The following CDH13 variants were observed in gnomAD, a reference collection of about 807,000 sequenced individuals.
CDH13 encodes cadherin-13.
Under a neutral mutation model 63.8 loss-of-function variants are expected in CDH13, and 24 were observed. The ratio of observed to expected loss-of-function variants is 0.38; its 90% confidence interval spans 0.27 to 0.53. The LOEUF (loss-of-function observed/expected upper bound fraction) is 0.53, where lower values mean the gene tolerates loss of function less well. Among genes scored for constraint, CDH13 ranks in the 20% least tolerant of loss-of-function variants. The pLI is 0.85. For missense variants in CDH13, 1,049 were observed against 903.1 expected, an observed-to-expected ratio of 1.16 and a Z score of -2.07; for synonymous variants, 503 against 355.3, an observed-to-expected ratio of 1.42 and a Z score of -4.67.
At chr16:82,697,286 T>C (rs531050886) in intron 1 of CDH13, among the ~76,000 whole-genome samples, 3 of 152,244 alleles carry the variant, frequency 2.0e-5, no homozygotes, top group African/African-American at 7.2e-5. Flanking sequence ...GTAAAGTTAA[T>C]AGCACAGTTG....
chr16:82,684,351 AC>A (rs1567624467), intron 1 of CDH13, among the ~76,000 whole-genome samples: 2 of 152,136 alleles, frequency 1.3e-5, no homozygotes, highest in Non-Finnish European at 2.9e-5. Context: ...CCCTTAGATA[AC>A]ATCATGTGTC....
chr16:83,329,349 C>T (rs2090433893), intron 5 of CDH13, among the ~76,000 whole-genome samples: 1 of 151,964 alleles, frequency 6.6e-6, no homozygotes, highest in African/African-American at 2.4e-5. Flanking sequence ...CCTCAGCCTC[C>T]TGAGTAGCTG....
intron 6 of CDH13, among the ~76,000 whole-genome samples, chr16:83,445,415 C>A (rs1264863268): frequency 6.6e-6 from 1 of 152,140 alleles, no homozygotes; most frequent in African/African-American, 2.4e-5. Context: ...CCTAGAAAAT[C>A]AGATCCTGCT....
chr16:83,779,491 AT>A (rs1463351435), intron 11 of CDH13, among the ~76,000 whole-genome samples: 2 of 151,456 alleles, frequency 1.3e-5, no homozygotes, highest in African/African-American at 2.4e-5. Context: ...TACCAAAAAA[AT>A]CTATTATTGT....
At chr16:82,921,682 C>T (rs913887811) in intron 2 of CDH13, among the ~76,000 whole-genome samples, 5 of 152,082 alleles carry the variant, frequency 3.3e-5, no homozygotes, top group Middle Eastern at 3.4e-3. Context: ...TTTTATATTC[C>T]TGAGAGATAT....
intron 1 of CDH13, among the ~76,000 whole-genome samples, chr16:82,841,527 C>A (rs753603833): frequency 1.3e-5 from 2 of 152,142 alleles, no homozygotes; most frequent in Non-Finnish European, 2.9e-5. Context: ...GATAAAACAT[C>A]AAAAGCAATA....
rs377383586 is a variant in CDH13, at chr16:83,032,153, C to T, written c.301C>T (p.Pro101Ser). The T allele has an allele frequency of 4.6e-5, 75 of 1,613,574 alleles. No individual in the cohort carries two copies. The highest frequency in any genetic ancestry group is 5.8e-5 in the Non-Finnish European group (69 of 1,179,788). The change falls in exon 3 of 14, where the codon CCC becomes TCC. Residue 101 changes from proline (P) to serine (S), a missense_variant. Coordinates refer to ENST00000567109, the MANE Select transcript of CDH13 (RefSeq NM_001257.5). ...AACTCTGTTCGTCCATGCACGGACC[C>T]CCCATGCGGAAGATATGGCAGAACT... ...GKTLFVHART[P>S]HAEDMAELVI...
chr16:83,451,079 A>G (rs2072874648), intron 6 of CDH13, among the ~76,000 whole-genome samples: 1 of 152,162 alleles, frequency 6.6e-6, no homozygotes, highest in South Asian at 2.1e-4. Context: ...TGGGGACCAC[A>G]CTTGGAGAAA....
At chr16:83,659,059 A>G (rs938201296) in intron 8 of CDH13, among the ~76,000 whole-genome samples, 3 of 144,366 alleles carry the variant, frequency 2.1e-5, no homozygotes, top group Non-Finnish European at 4.5e-5. Flanking sequence ...CCTCACCACC[A>G]GGTCCCATAT....
intron 1 of CDH13, among the ~76,000 whole-genome samples, chr16:82,848,037 T>G (rs1815269270): frequency 6.6e-6 from 1 of 152,168 alleles, no homozygotes; most frequent in Admixed American, 6.5e-5. Flanking sequence ...TTTGGGGCAT[T>G]TATGCAGATT....
intron 2 of CDH13, among the ~76,000 whole-genome samples, chr16:82,879,097 G>C (rs1411708028): frequency 6.6e-6 from 1 of 152,120 alleles, no homozygotes; most frequent in African/African-American, 2.4e-5. Context: ...GGATAAGCAA[G>C]CCTTGCCTTG....
At chr16:82,719,349 A>G (rs560974380) in intron 1 of CDH13, 1 of 455,490 alleles carries the variant, frequency 2.2e-6, no homozygotes, top group Non-Finnish European at 4.4e-6. Context: ...AAAAGTCTAC[A>G]TTTTCTTTGG....
At chr16:83,455,992 G>A (rs1037197641) in intron 6 of CDH13, among the ~76,000 whole-genome samples, 1 of 152,226 alleles carries the variant, frequency 6.6e-6, no homozygotes, top group Non-Finnish European at 1.5e-5. Flanking sequence ...AGGGGAGGAG[G>A]CTCCCACTGC....
intron 4 of CDH13, among the ~76,000 whole-genome samples, chr16:83,153,724 A>C (rs1329869498): frequency 6.6e-6 from 1 of 152,218 alleles, no homozygotes; most frequent in African/African-American, 2.4e-5. Context: ...GAGACTCAGA[A>C]GGAACCAACC....
chr16:82,798,170 T>G (rs539865712), intron 1 of CDH13, among the ~76,000 whole-genome samples: 1 of 152,222 alleles, frequency 6.6e-6, no homozygotes, highest in Non-Finnish European at 1.5e-5. Flanking sequence ...ACCAGGTTGC[T>G]CTTGAAACAC....
At position 82,956,316 on chromosome 16, in the gene CDH13, A is replaced by T. The variant is rs186847445; in HGVS notation, c.158-75694A>T. Among the ~76,000 whole-genome samples the T allele has an allele frequency of 2.7e-4, 41 of 151,966 alleles. No homozygotes were observed. In the East Asian group the frequency reaches 3.1e-3, roughly 12 times the overall value. ...TTCATCCTAGATCTAAACCACCATTATCTCTTGCCTGCAACCTTTTATTCC... is the reference window on the plus strand; with the variant it reads ...TTCATCCTAGATCTAAACCACCATTTTCTCTTGCCTGCAACCTTTTATTCC... On this transcript the variant is annotated intron_variant, in intron 2 of 13. Transcript: ENST00000567109.
intron 5 of CDH13, among the ~76,000 whole-genome samples, chr16:83,267,686 A>G (rs889481780): frequency 6.6e-6 from 1 of 152,140 alleles, no homozygotes; most frequent in African/African-American, 2.4e-5. Context: ...GCCTTTCACA[A>G]CATTACGATG....
At chr16:83,692,162 C>T (rs569910354) in intron 10 of CDH13, among the ~76,000 whole-genome samples, 2 of 152,212 alleles carry the variant, frequency 1.3e-5, no homozygotes, top group Non-Finnish European at 2.9e-5. Flanking sequence ...CTTGCTCTCT[C>T]CAACTTCTGT....
chr16:83,478,046 T>A (rs2073653227), intron 6 of CDH13, among the ~76,000 whole-genome samples: 2 of 151,382 alleles, frequency 1.3e-5, no homozygotes, highest in African/African-American at 4.9e-5. Context: ...CCAGGCTTGG[T>A]GGTCCCAGCT....
Sources: allele counts gnomAD v4.1 joint callset (sites outside exome capture counted in the v4.1 genomes callset), GRCh38; gene constraint gnomAD v4.1.1; transcripts MANE v1.5; gene names NCBI Gene and HGNC (gene_info 2026-07-23, HGNC 2026-07-21).